The following DACH1 variants were observed in gnomAD, a reference collection of about 807,000 sequenced individuals.
DACH1 encodes the protein dachshund family transcription factor 1.
DACH1 carries 12 observed loss-of-function variants against 54.2 expected under a neutral mutation model. That is an observed-to-expected ratio of 0.22 (90% CI 0.14 to 0.36). The LOEUF (loss-of-function observed/expected upper bound fraction) is 0.36. DACH1 is among the 10% of genes least tolerant of loss of function. The pLI, the probability that DACH1 is intolerant of heterozygous loss-of-function variation, is 1.00. For missense variants in DACH1, 805 were observed against 929.8 expected (o/e 0.87, Z 1.75); for synonymous variants, 386 against 366.2 (o/e 1.05, Z -0.62).
At chr13:71,711,642 A>AT (rs1566450587) in intron 1 of DACH1, among the ~76,000 whole-genome samples, 2 of 152,018 alleles carry the variant, frequency 1.3e-5, no homozygotes, top group Non-Finnish European at 2.9e-5. Context: ...ACCAGAATTA[A>AT]TTTTTTTTAA....
intron 2 of DACH1, among the ~76,000 whole-genome samples, chr13:71,652,933 A>G (rs924106341): frequency 2.6e-5 from 4 of 152,220 alleles, no homozygotes; most frequent in African/African-American, 9.6e-5. Flanking sequence ...TACAGAACAT[A>G]ATTAAAGAAG....
chr13:71,812,784 A>G (rs970414306), intron 1 of DACH1, among the ~76,000 whole-genome samples: 23 of 152,244 alleles, frequency 1.5e-4, no homozygotes, highest in African/African-American at 5.3e-4. Context: ...AAAAAACCTC[A>G]AATGCACTTA....
chr13:71,620,286 G>T (rs534643030), intron 3 of DACH1, among the ~76,000 whole-genome samples: 1 of 151,968 alleles, frequency 6.6e-6, no homozygotes, highest in East Asian at 1.9e-4. Context: ...ACTATAGAGA[G>T]ATGAAGAAAC....
intron 7 of DACH1, among the ~76,000 whole-genome samples, chr13:71,488,073 G>T (rs1878686390): frequency 6.6e-6 from 1 of 152,134 alleles, no homozygotes; most frequent in Admixed American, 6.5e-5. Flanking sequence ...AAGGCCTTCT[G>T]TTATGTCCTT....
At chr13:71,492,947 A>G (rs1014890316) in intron 6 of DACH1, among the ~76,000 whole-genome samples, 2 of 151,964 alleles carry the variant, frequency 1.3e-5, no homozygotes, top group Non-Finnish European at 2.9e-5. Context: ...CCACATTCCA[A>G]TTGTATTATT....
chr13:71,483,009 G>C (rs1051039492), intron 7 of DACH1, among the ~76,000 whole-genome samples: 1 of 151,776 alleles, frequency 6.6e-6, no homozygotes, highest in African/African-American at 2.4e-5. Flanking sequence ...TGTCATGTTG[G>C]CCAGGATGAT....
chr13:71,657,576 TAA>T (rs34939790), intron 2 of DACH1, among the ~76,000 whole-genome samples: 8 of 142,322 alleles, frequency 5.6e-5, no homozygotes, highest in Non-Finnish European at 6.1e-5. Context: ...CTGTCTCAAA[TAA>T]AAAAAAAAAA....
At chr13:71,719,984 G>A (rs558613494) in intron 1 of DACH1, among the ~76,000 whole-genome samples, 12 of 152,174 alleles carry the variant, frequency 7.9e-5, no homozygotes, top group South Asian at 2.1e-4. Context: ...AGTTTATTAC[G>A]TACTGGGGAA....
At chr13:71,724,107 C>G (rs921288258) in intron 1 of DACH1, among the ~76,000 whole-genome samples, 1 of 152,082 alleles carries the variant, frequency 6.6e-6, no homozygotes, top group African/African-American at 2.4e-5. Flanking sequence ...TCACTTAAAC[C>G]TAAGGTAAGT....
At chr13:71,566,106 G>T (rs1310251815) in intron 4 of DACH1, among the ~76,000 whole-genome samples, 1 of 152,154 alleles carries the variant, frequency 6.6e-6, no homozygotes, top group Non-Finnish European at 1.5e-5. Flanking sequence ...AATCTCTCCT[G>T]CATGGTAAAT....
intron 1 of DACH1, among the ~76,000 whole-genome samples, chr13:71,856,251 T>C (rs761182502): frequency 1.4e-4 from 21 of 152,062 alleles, no homozygotes; most frequent in South Asian, 4.1e-4. Flanking sequence ...TATGGTTTCA[T>C]AAAAGCAGGT....
chr13:71,695,046 A>G (rs1881751037), intron 1 of DACH1, among the ~76,000 whole-genome samples: 1 of 152,220 alleles, frequency 6.6e-6, no homozygotes, highest in African/African-American at 2.4e-5. Flanking sequence ...TAGTTTCTTG[A>G]TTAAACCTGT....
At chr13:71,496,666 C>G (rs1268980529) in intron 6 of DACH1, among the ~76,000 whole-genome samples, 1 of 151,872 alleles carries the variant, frequency 6.6e-6, no homozygotes, top group Non-Finnish European at 1.5e-5. Flanking sequence ...ACTATGCAGT[C>G]TATCCATATA....
chr13:71,651,766 A>G (rs1299875423), intron 2 of DACH1, among the ~76,000 whole-genome samples: 1 of 152,170 alleles, frequency 6.6e-6, no homozygotes, highest in East Asian at 1.9e-4. Flanking sequence ...TGTATGCATC[A>G]TAAGCTTCTG....
chr13:71,679,429 A>G (rs1252338142), intron 2 of DACH1, among the ~76,000 whole-genome samples: 2 of 152,132 alleles, frequency 1.3e-5, no homozygotes, highest in Non-Finnish European at 2.9e-5. Context: ...ACTATGTATC[A>G]TCTTCATCTT....
In DACH1 at chr13:71,814,112, A is replaced by G. The variant is rs544606933; in HGVS notation, c.848+51810T>C. On this transcript the variant is annotated intron_variant, in intron 1 of 10. Transcript: ENST00000613252. ...GGCAGAAAGTAAGCTAGATTAACCAAATAAAAACGTAAAAACTTTCCATCA... is the reference window on the plus strand; with the variant it reads ...GGCAGAAAGTAAGCTAGATTAACCAGATAAAAACGTAAAAACTTTCCATCA... Among the ~76,000 whole-genome samples, 8 of 152,332 alleles carry G rather than the reference A, an allele frequency of 5.3e-5. No homozygotes were observed. The South Asian group carries it at 1.7e-3, about 32-fold the overall frequency.
Position 71,602,987 on chromosome 13 carries a change from T to C in DACH1, c.1126+27569A>G, listed in dbSNP as rs142132913. ...ATATTTTTAACTAGTAAAATACACT[T>C]TATTCAATTACGTTGCTTTCTTTTT... On this transcript the variant is annotated intron_variant, in intron 3 of 10. Transcript: ENST00000613252. 4.1e-3 allele frequency among the ~76,000 whole-genome samples: 630 copies of C among 152,086 alleles called. 4 individuals are homozygous for C. Among genetic ancestry groups the C allele is most frequent in the Non-Finnish European group, 7.1e-3 (479 of 67,884 alleles).
intron 1 of DACH1, among the ~76,000 whole-genome samples, chr13:71,827,520 A>G (rs899868173): frequency 6.6e-6 from 1 of 152,098 alleles, no homozygotes; most frequent in African/African-American, 2.4e-5. Flanking sequence ...TGATTCCATA[A>G]TAGCAGAAGC....
At chr13:71,752,257 C>T (rs777945469) in intron 1 of DACH1, among the ~76,000 whole-genome samples, 9 of 152,114 alleles carry the variant, frequency 5.9e-5, no homozygotes, top group East Asian at 1.9e-4. Flanking sequence ...AGTGCACAAT[C>T]GTACATTAAA....
Sources: gnomAD v4.1 joint callset for allele counts (sites outside exome capture counted in the v4.1 genomes callset) on GRCh38, gnomAD v4.1.1 for gene constraint, MANE v1.5 for transcripts, NCBI Gene and HGNC (gene_info 2026-07-23, HGNC 2026-07-21) for gene names.